INPP4B: variants seen among roughly 807,000 people sequenced by gnomAD.
The protein encoded by INPP4B is inositol polyphosphate 4-phosphatase type II.
A neutral mutation model predicts 122.5 loss-of-function variants in INPP4B; 55 were observed. That is an observed-to-expected ratio of 0.45 (90% CI 0.36 to 0.56). The LOEUF (loss-of-function observed/expected upper bound fraction) is 0.56, where lower values mean the gene tolerates loss of function less well. Ranked by LOEUF, INPP4B falls within the 20% of genes least tolerant of loss-of-function variation. The probability of loss-of-function intolerance (pLI) is 0.00; values close to 1 mark genes in which losing one functional copy is unlikely to be tolerated. For missense variants in INPP4B, 1,000 were observed against 1,097.7 expected (o/e 0.91, Z 1.26); for synonymous variants, 403 against 388.7 (o/e 1.04, Z -0.43).
chr4:142,290,698 T>A (rs1028931979), intron 9 of INPP4B, among the ~76,000 whole-genome samples: 2 of 152,152 alleles, frequency 1.3e-5, no homozygotes, highest in Non-Finnish European at 2.9e-5. Flanking sequence ...TATTTTCTCC[T>A]TTATGTTTTT....
chr4:142,084,747 C>CATTAAA (rs537716044), intron 24 of INPP4B, among the ~76,000 whole-genome samples: 28 of 152,234 alleles, frequency 1.8e-4, no homozygotes, highest in African/African-American at 5.3e-4. Context: ...CTTTTTCATA[C>CATTAAA]ATTAAAATGG....
rs1013375111 is a variant in INPP4B at position 142,370,707 on chromosome 4, C to T, written c.372+32231G>A. On this transcript the variant is annotated intron_variant, in intron 7 of 25. Transcript: ENST00000262992. ...ATTTACAATAGCTACAACAAAAAAA[C>T]ACCTAGGAATAAATTTAACCAAGGT... Among the ~76,000 whole-genome samples the T allele has an allele frequency of 2.0e-5, 3 of 151,778 alleles. No homozygotes were observed. The East Asian group carries it at 5.8e-4, about 29-fold the overall frequency.
intron 2 of INPP4B, among the ~76,000 whole-genome samples, chr4:142,463,695 C>G (rs34900920): frequency 0.15 from 23,004 of 151,950 alleles, 2,027 homozygotes; most frequent in East Asian, 0.38. Flanking sequence ...GGGTGGTTAC[C>G]CAGTGCTGCT....
intron 9 of INPP4B, among the ~76,000 whole-genome samples, chr4:142,302,976 A>C (rs993827913): frequency 6.6e-6 from 1 of 152,186 alleles, no homozygotes; most frequent in Non-Finnish European, 1.5e-5. Context: ...AATAGAAACC[A>C]CTTTATACAT....
At chr4:142,617,795 C>G (rs566813812) in intron 2 of INPP4B, among the ~76,000 whole-genome samples, 7 of 152,054 alleles carry the variant, frequency 4.6e-5, no homozygotes, top group Non-Finnish European at 7.4e-5. Context: ...TTAGAGGATA[C>G]GCTTAGCATC....
At chr4:142,206,913 T>G (rs1313329549) in intron 14 of INPP4B, among the ~76,000 whole-genome samples, 1 of 152,226 alleles carries the variant, frequency 6.6e-6, no homozygotes, top group Non-Finnish European at 1.5e-5. Context: ...CTTATTCATT[T>G]TGCATAACTG....
intron 2 of INPP4B, among the ~76,000 whole-genome samples, chr4:142,717,868 A>G (rs1763991814): frequency 6.6e-6 from 1 of 150,500 alleles, no homozygotes; most frequent in East Asian, 1.9e-4. Flanking sequence ...GTGCACATGT[A>G]CCTTAGAACT....
At chr4:142,603,563 C>A (rs1740550306) in intron 2 of INPP4B, among the ~76,000 whole-genome samples, 1 of 151,482 alleles carries the variant, frequency 6.6e-6, no homozygotes, top group Non-Finnish European at 1.5e-5. Flanking sequence ...AAAAAAAGAT[C>A]ATCAGAGACT....
chr4:142,640,269 A>G (rs1231536061), intron 2 of INPP4B, among the ~76,000 whole-genome samples: 2 of 152,184 alleles, frequency 1.3e-5, no homozygotes, highest in Non-Finnish European at 2.9e-5. Context: ...GGGACAAGGT[A>G]AGATGACTTG....
At chr4:142,242,550 A>C (rs1471484243) in intron 11 of INPP4B, among the ~76,000 whole-genome samples, 1 of 152,146 alleles carries the variant, frequency 6.6e-6, no homozygotes. Context: ...GTAAAGCTAG[A>C]AGCTAGCTTC....
intron 1 of INPP4B, among the ~76,000 whole-genome samples, chr4:142,770,298 A>G (rs1406035688): frequency 6.7e-6 from 1 of 149,840 alleles, no homozygotes; most frequent in Non-Finnish European, 1.5e-5. Context: ...TCCATGTATA[A>G]TATTGTTATA....
chr4:142,209,395 A>G (rs1284807007), intron 12 of INPP4B, among the ~76,000 whole-genome samples: 1 of 152,182 alleles, frequency 6.6e-6, no homozygotes, highest in Admixed American at 6.5e-5. Context: ...AACTGTACAA[A>G]ATCAAAGAAT....
chr4:142,723,014 C>A (rs1370893308), intron 2 of INPP4B, among the ~76,000 whole-genome samples: 1 of 122,352 alleles, frequency 8.2e-6, no homozygotes, highest in Admixed American at 9.3e-5. Flanking sequence ...TGTATCACAT[C>A]TGTATCATTT....
chr4:142,326,336 G>C (rs562398874), intron 7 of INPP4B, among the ~76,000 whole-genome samples: 1 of 152,326 alleles, frequency 6.6e-6, no homozygotes, highest in African/African-American at 2.4e-5. Flanking sequence ...AAATAAAGGA[G>C]CTCTTCGCAC....
At chr4:142,556,557 G>A (rs1034641487) in intron 2 of INPP4B, among the ~76,000 whole-genome samples, 4 of 152,154 alleles carry the variant, frequency 2.6e-5, no homozygotes, top group African/African-American at 9.7e-5. Flanking sequence ...AGGCTGGGAT[G>A]AAAGTGGGCA....
chr4:142,571,082 T>A (rs1732702665), intron 2 of INPP4B, among the ~76,000 whole-genome samples: 1 of 137,400 alleles, frequency 7.3e-6, no homozygotes. Context: ...AGTCTTTTCA[T>A]GTTTCTCAAA....
At chr4:142,808,103 T>TAC (rs34768563) in intron 1 of INPP4B, among the ~76,000 whole-genome samples, 15,200 of 149,370 alleles carry the variant, frequency 0.1, 937 homozygotes, top group African/African-American at 0.18. Flanking sequence ...CATGATAAAA[T>TAC]ACACACACAC....
chr4:142,356,779 C>G (rs572218496), intron 7 of INPP4B, among the ~76,000 whole-genome samples: 1 of 151,752 alleles, frequency 6.6e-6, no homozygotes, highest in Non-Finnish European at 1.5e-5. Context: ...TGAGGTGACT[C>G]TTGGTGGGAT....
chr4:142,176,394 C>T (rs965791801), intron 15 of INPP4B, among the ~76,000 whole-genome samples: 1 of 151,952 alleles, frequency 6.6e-6, no homozygotes, highest in Non-Finnish European at 1.5e-5. Context: ...TGTGTCTTCT[C>T]TGGCCTCTCA....
Sources: gnomAD v4.1 joint callset for allele counts (sites outside exome capture counted in the v4.1 genomes callset) on GRCh38, gnomAD v4.1.1 for gene constraint, MANE v1.5 for transcripts, NCBI Gene and HGNC (gene_info 2026-07-23, HGNC 2026-07-21) for gene names.